The following UGGT2 variants were observed in gnomAD, a reference collection of about 807,000 sequenced individuals.
The protein encoded by UGGT2 is UDP-glucose glycoprotein glucosyltransferase 2, also known as UDP-glucose:glycoprotein glucosyltransferase 2.
Under a neutral mutation model 192.1 loss-of-function variants are expected in UGGT2, and 180 were observed. The ratio of observed to expected loss-of-function variants is 0.94; its 90% CI spans 0.83 to 1.06. The LOEUF (loss-of-function observed/expected upper bound fraction) is 1.06, where lower values mean the gene tolerates loss of function less well. UGGT2 is among the 50% of genes least tolerant of loss of function. The pLI is 0.00. For missense variants in UGGT2, 1,849 were observed against 1,795.7 expected (o/e 1.03, Z -0.54); for synonymous variants, 580 against 591.0 (o/e 0.98, Z 0.27).
intron 20 of UGGT2, among the ~76,000 whole-genome samples, chr13:95,925,365 T>G (rs575541713): frequency 2.6e-5 from 4 of 152,320 alleles, no homozygotes; most frequent in African/African-American, 9.6e-5. Context: ...ATAGTGGATT[T>G]CGGGTCACTG....
rs1382211745 is a variant in UGGT2, at chr13:95,991,629, G to A, written c.831-1556C>T. On this transcript the variant is annotated intron_variant, in intron 7 of 38. Transcript: ENST00000376747. ...AATCAAAATTGCTATGATAATAAAA[G>A]TACAATGGCATTTCTTTCTAAAAGA... 2.0e-5 allele frequency among the ~76,000 whole-genome samples: 3 copies of A among 152,022 alleles called. No individual in the cohort carries two copies. The East Asian group carries it at 5.8e-4, about 29-fold the overall frequency.
intron 14 of UGGT2, among the ~76,000 whole-genome samples, chr13:95,947,704 CTCCCAAA>C (rs58993784): frequency 0.85 from 127,930 of 151,370 alleles, 54,267 homozygotes; most frequent in East Asian, 0.93. Flanking sequence ...CTGATTCGGC[CTCCCAAA>C]TCCCAAAGTG....
At chr13:96,018,740 A>G (rs1241696768) in intron 4 of UGGT2, among the ~76,000 whole-genome samples, 1 of 55,444 alleles carries the variant, frequency 1.8e-5, no homozygotes, top group Non-Finnish European at 4.4e-5. Context: ...GTTATAATTG[A>G]AAAAAAAAAC....
intron 20 of UGGT2, among the ~76,000 whole-genome samples, chr13:95,911,639 C>T (rs1336929262): frequency 5.9e-5 from 9 of 152,182 alleles, no homozygotes; most frequent in Admixed American, 3.3e-4. Flanking sequence ...GATTCACAGC[C>T]GAATTCTACA....
chr13:95,974,509 A>G (rs1234748570), intron 10 of UGGT2, among the ~76,000 whole-genome samples: 1 of 152,200 alleles, frequency 6.6e-6, no homozygotes, highest in Non-Finnish European at 1.5e-5. Context: ...TTGAACAATA[A>G]TGCTCAGAAA....
chr13:95,869,927 A>G (rs1000980096), intron 29 of UGGT2, among the ~76,000 whole-genome samples: 52 of 152,330 alleles, frequency 3.4e-4, no homozygotes, highest in African/African-American at 1.2e-3. Flanking sequence ...TAAAAAAAGC[A>G]CTTATACATG....
chr13:95,955,537 A>G (rs1412586292), intron 12 of UGGT2, among the ~76,000 whole-genome samples: 1 of 152,200 alleles, frequency 6.6e-6, no homozygotes, highest in Non-Finnish European at 1.5e-5. Flanking sequence ...GAAATGAATA[A>G]AGGTGTTCCC....
intron 38 of UGGT2, among the ~76,000 whole-genome samples, chr13:95,808,293 A>G (rs1300390606): frequency 6.6e-5 from 10 of 152,182 alleles, no homozygotes; most frequent in Non-Finnish European, 1.5e-4. Context: ...CTTTATAGAT[A>G]AGAATATTAC....
At chr13:95,822,280 G>C (rs1393529276) in intron 38 of UGGT2, among the ~76,000 whole-genome samples, 1 of 151,970 alleles carries the variant, frequency 6.6e-6, no homozygotes, top group East Asian at 1.9e-4. Context: ...TATATGCCCA[G>C]GTATTTTCTT....
chr13:95,901,771 T>C (rs367875870), intron 21 of UGGT2, among the ~76,000 whole-genome samples: 25 of 152,144 alleles, frequency 1.6e-4, no homozygotes, highest in Non-Finnish European at 5.9e-5. Flanking sequence ...CCAGTGGCTG[T>C]GGTGTTGGAC....
chr13:95,913,553 T>C (rs916732662), intron 20 of UGGT2, among the ~76,000 whole-genome samples: 3 of 152,100 alleles, frequency 2.0e-5, no homozygotes, highest in African/African-American at 4.8e-5. Flanking sequence ...CTCACACCAG[T>C]TAGAATAGCA....
chr13:95,915,042 C>T (rs184327388), intron 20 of UGGT2, among the ~76,000 whole-genome samples: 2 of 152,258 alleles, frequency 1.3e-5, no homozygotes, highest in East Asian at 3.9e-4. Flanking sequence ...TCTGGCACCT[C>T]ATTCTTCTGT....
At chr13:95,814,061 C>G (rs1884701110) in intron 38 of UGGT2, among the ~76,000 whole-genome samples, 1 of 152,192 alleles carries the variant, frequency 6.6e-6, no homozygotes, top group African/African-American at 2.4e-5. Flanking sequence ...GGTATCTAGG[C>G]AGAAGCCTGC....
At chr13:95,847,853 TTTG>T (rs1264533739) in intron 36 of UGGT2, among the ~76,000 whole-genome samples, 1 of 152,190 alleles carries the variant, frequency 6.6e-6, no homozygotes, top group Non-Finnish European at 1.5e-5. Context: ...ATGGTAAGAG[TTTG>T]TTTAGTTTTG....
At chr13:95,948,748 G>T (rs983517590) in intron 13 of UGGT2, among the ~76,000 whole-genome samples, 2 of 152,100 alleles carry the variant, frequency 1.3e-5, no homozygotes, top group African/African-American at 4.8e-5. Flanking sequence ...CATTAATATG[G>T]TTATTATAAA....
chr13:96,016,345 A>G (rs2052337177), intron 4 of UGGT2, among the ~76,000 whole-genome samples: 1 of 152,200 alleles, frequency 6.6e-6, no homozygotes, highest in African/African-American at 2.4e-5. Flanking sequence ...CAATGAAGAA[A>G]AGGCCTGGAA....
intron 38 of UGGT2, among the ~76,000 whole-genome samples, chr13:95,808,202 TG>T (rs1884413721): frequency 6.6e-6 from 1 of 152,210 alleles, no homozygotes; most frequent in South Asian, 2.1e-4. Flanking sequence ...AAAGGGTTCT[TG>T]TTGCCCAGAC....
intron 15 of UGGT2, among the ~76,000 whole-genome samples, chr13:95,941,664 T>C (rs1248616035): frequency 1.3e-5 from 2 of 152,320 alleles, no homozygotes; most frequent in Admixed American, 1.3e-4. Flanking sequence ...CTCACATAAG[T>C]TACTCAGACA....
chr13:95,893,054 T>C (rs927818151), intron 24 of UGGT2, among the ~76,000 whole-genome samples: 1 of 152,298 alleles, frequency 6.6e-6, no homozygotes, highest in South Asian at 2.1e-4. Flanking sequence ...TATAGAGATC[T>C]TTCAGGGCTG....
Sources: gnomAD v4.1 joint callset for allele counts (sites outside exome capture counted in the v4.1 genomes callset) on GRCh38, gnomAD v4.1.1 for gene constraint, MANE v1.5 for transcripts, NCBI Gene and HGNC (gene_info 2026-07-23, HGNC 2026-07-21) for gene names.